NBPF9: variants seen among roughly 807,000 people sequenced by gnomAD.
NBPF9 encodes the protein NBPF member 9.
In NBPF9, 91 loss-of-function variants were observed where a neutral mutation model predicts 97.8. The observed-to-expected ratio is 0.93, with a 90% CI of 0.79 to 1.11. The LOEUF (loss-of-function observed/expected upper bound fraction) is 1.11. NBPF9 is among the 50% of genes least tolerant of loss of function. NBPF9 has a pLI of 0.00. For synonymous variants in NBPF9, 334 were observed against 359.5 expected (o/e 0.93, Z 0.80); for missense variants, 992 against 939.5 (o/e 1.06, Z -0.73).
In NBPF9 at chr1:149,062,346, T is replaced by C. The variant is rs1345689948; in HGVS notation, c.2079-81A>G. 1.3e-4 allele frequency: 81 copies of C among 616,104 alleles called. 7 individuals are homozygous for C. The African/African-American group carries it at 1.4e-3, about 11-fold the overall frequency. 38.2% of individuals were successfully genotyped at this position (616,104 alleles called of 1,614,324 possible). ...CCCCAGCTAGATTTCATGGCTAACA[T>C]AAGGAACTGTTTAAAAAGAAAAAGG... On this transcript the variant is annotated intron_variant, in intron 21 of 29. Coordinates refer to ENST00000584027, the Ensembl canonical transcript of NBPF9.
In NBPF9 at chr1:149,082,957, C is replaced by CTTTTTTTTTTTTT. The variant is rs1157992196; in HGVS notation, c.-194-540_-194-528dup. Among the ~76,000 whole-genome samples the CTTTTTTTTTTTTT allele has an allele frequency of 7.7e-3, 514 of 66,430 alleles. 3 individuals carry two copies. Among genetic ancestry groups the CTTTTTTTTTTTTT allele is most frequent in the Non-Finnish European group, 9.0e-3 (351 of 38,990 alleles). 43.6% of individuals were successfully genotyped at this position (66,430 alleles called of 152,430 possible). On this transcript the variant is annotated intron_variant, in intron 5 of 29. Coordinates refer to ENST00000584027, the Ensembl canonical transcript of NBPF9. ...ACCACGCCTGGCTAATTTTTCTTTT[C>CTTTTTTTTTTTTT]TTTTTTTTTTTTTTTTTTTTTTTTT...
intron 18 of NBPF9, chr1:149,064,687 C>A: frequency 1.6e-6 from 1 of 611,176 alleles, no homozygotes; most frequent in East Asian, 2.8e-5. Context: ...CAAAATTCCC[C>A]TGTGTTGGAA....
rs781848757 is a variant in NBPF9 at position 149,062,133 on chromosome 1, T to A, written c.2211A>T (p.Ser737=). The change falls in exon 22 of 30, where the codon TCA becomes TCT. Residue 737 remains serine (S), a synonymous_variant. Coordinates refer to ENST00000584027, the Ensembl canonical transcript of NBPF9. ...CCAAGCCAAGGTACTGTTCCTCCAATGAGTAAACAGCACTGCTGTAGGGCT... is the reference window on the plus strand; with the variant it reads ...CCAAGCCAAGGTACTGTTCCTCCAAAGAGTAAACAGCACTGCTGTAGGGCT... The A allele has an allele frequency of 5.5e-6, 6 of 1,083,864 alleles. No individual in the cohort carries two copies. The East Asian group carries it at 1.2e-4, about 22-fold the overall frequency. The allele number at this position is 1,083,864 out of a possible 1,614,324, so 67.1% of individuals were successfully genotyped here.
intron 18 of NBPF9, 21 bp downstream of exon 18, chr1:149,065,505 C>G: frequency 1.2e-6 from 2 of 1,600,822 alleles, no homozygotes; most frequent in Non-Finnish European, 1.7e-6. Context: ...AGCTTTATCA[C>G]CTTCACAATG....
rs1383642301 is a variant in NBPF9 at position 149,059,804 on chromosome 1, A to C, written c.2481T>G (p.Ile827Met). Residue 827 changes from isoleucine to methionine, a missense_variant, in exon 25 of 30, where the codon ATT becomes ATG. By Grantham distance (10) the Ile-to-Met change is conservative (BLOSUM62 1). Coordinates refer to ENST00000584027, the Ensembl canonical transcript of NBPF9. ...TTTTCTTCCCCTTCCCCTTCTTTTC[A>C]ATTTCTGCAATAAATTCAGACATGG... 24 of 523,564 alleles carry C rather than the reference A, an allele frequency of 4.6e-5. 5 individuals carry two copies. Among genetic ancestry groups the C allele is most frequent in the East Asian group, 3.3e-4 (12 of 36,736 alleles). The allele number at this position is 523,564 out of a possible 1,614,324, so 32.4% of individuals were successfully genotyped here. A position where few individuals can be genotyped will look rare whatever the true frequency, so the allele number is the denominator to read the frequency against.
rs879027705 is a variant in NBPF9 at position 149,062,393 on chromosome 1, T to C, written c.2079-128A>G. On this transcript the variant is annotated intron_variant, in intron 21 of 29. Coordinates refer to ENST00000584027, the Ensembl canonical transcript of NBPF9. Reference sequence around the variant, plus strand: ...AAGGACAGATCCATTAATGAGGTAATGAATTATTGCCTTTAGGTTGGGATA... The same window carrying C: ...AAGGACAGATCCATTAATGAGGTAACGAATTATTGCCTTTAGGTTGGGATA... The C allele has an allele frequency of 6.0e-6, 4 of 669,972 alleles. 1 individual carries two copies. The highest frequency in any genetic ancestry group is 1.1e-5 in the Non-Finnish European group (4 of 364,560). 41.5% of individuals were successfully genotyped at this position (669,972 alleles called of 1,614,324 possible).
intron 2 of NBPF9, 104 bp from the exon 3 acceptor site, chr1:149,101,483 A>G (rs2082140705): frequency 6.6e-6 from 1 of 152,214 alleles, no homozygotes; most frequent in Admixed American, 6.5e-5. Context: ...GGGAAATGCA[A>G]TACATATATA....
chr1:149,056,188 G>A (rs879948001), intron 29 of NBPF9, among the ~76,000 whole-genome samples: 2 of 150,824 alleles, frequency 1.3e-5, no homozygotes, highest in African/African-American at 4.9e-5. Context: ...GACACTCTGA[G>A]TTAGTGCCCT....
rs141539464 is a variant in NBPF9 at position 149,074,756 on chromosome 1, C to T, written c.989-886G>A. On this transcript the variant is annotated intron_variant, in intron 12 of 29. Coordinates refer to ENST00000584027, the Ensembl canonical transcript of NBPF9. ...AGACTCTGTGCCCCAGGAAGCAGGA[C>T]TTCACTCTCACCAAGCTACTCTCTG... Among the ~76,000 whole-genome samples the T allele has an allele frequency of 3.2e-3, 490 of 151,406 alleles. 10 individuals are homozygous for T. The highest frequency in any genetic ancestry group is 0.011 in the African/African-American group (459 of 41,416).
At chr1:149,067,250 T>A (rs1262854640) in intron 17 of NBPF9, among the ~76,000 whole-genome samples, 2 of 127,274 alleles carry the variant, frequency 1.6e-5, no homozygotes, top group Admixed American at 7.7e-5. Flanking sequence ...ATATTCAACA[T>A]TCTTTTTTTT....
chr1:149,079,708 G>A (rs75232438), intron 8 of NBPF9, among the ~76,000 whole-genome samples: 10 of 151,466 alleles, frequency 6.6e-5, no homozygotes, highest in African/African-American at 1.2e-4. Context: ...AGTCAGTCAG[G>A]AGGTGATTCT....
chr1:149,077,920 C>T (rs781843320), exon 10 of NBPF9: 2 of 1,510,134 alleles, frequency 1.3e-6, no homozygotes, highest in Admixed American at 3.4e-5. Flanking sequence ...TCATCCTCCT[C>T]AACTTGAACA....
At chr1:149,085,068 T>A (rs1474685352) in intron 5 of NBPF9, among the ~76,000 whole-genome samples, 1 of 152,018 alleles carries the variant, frequency 6.6e-6, no homozygotes, top group Non-Finnish European at 1.5e-5. Context: ...TGCCCACCTT[T>A]CCTTCACATA....
chr1:149,080,873 A>G (rs2080370984), intron 7 of NBPF9, among the ~76,000 whole-genome samples: 1 of 151,362 alleles, frequency 6.6e-6, no homozygotes, highest in African/African-American at 2.4e-5. Context: ...GCAGCAATTT[A>G]CAGAGGTAGG....
intron 5 of NBPF9, among the ~76,000 whole-genome samples, chr1:149,084,410 A>G (rs3105705): frequency 0.023 from 3,341 of 147,532 alleles, 144 homozygotes; most frequent in African/African-American, 0.078. Context: ...TACAATATAT[A>G]TAACATGTGT....
At chr1:149,071,664 T>A in exon 15 of NBPF9, 1 of 1,316,630 alleles carries the variant, frequency 7.6e-7, no homozygotes, top group South Asian at 1.2e-5. Flanking sequence ...TTCATCGTCA[T>A]CGTTGTCATT....
rs1397969369 is a variant in NBPF9, at chr1:149,064,376, T to A, written c.1853+55A>T. The A allele has an allele frequency of 1.5e-4, 122 of 790,386 alleles. 4 individuals are homozygous for A. In the Middle Eastern group the frequency reaches 3.9e-3, roughly 25 times the overall value. 49.0% of individuals were successfully genotyped at this position (790,386 alleles called of 1,614,324 possible). A position where few individuals can be genotyped will look rare whatever the true frequency, so the allele number is the denominator to read the frequency against. Reference sequence around the variant, plus strand: ...TCAGCATGTACTGTTTTCCCTGGACTTGGCATCTCCAGGTGTCAACATCAA... The same window carrying A: ...TCAGCATGTACTGTTTTCCCTGGACATGGCATCTCCAGGTGTCAACATCAA... On this transcript the variant is annotated intron_variant, in intron 19 of 29. Transcript: ENST00000584027.
At chr1:149,061,183 C>A in intron 23 of NBPF9, 149 bp downstream of exon 23, 1 of 334,840 alleles carries the variant, frequency 3.0e-6, no homozygotes, top group East Asian at 4.2e-5. Context: ...TAAATATCTA[C>A]TGCAATGAAA....
chr1:149,074,742 C>A (rs1399312072), intron 12 of NBPF9, among the ~76,000 whole-genome samples: 3 of 151,176 alleles, frequency 2.0e-5, no homozygotes, highest in Non-Finnish European at 4.4e-5. Flanking sequence ...GACTCTGTGC[C>A]CCAGGAAGCA....
Sources: gnomAD v4.1 joint callset for allele counts (sites outside exome capture counted in the v4.1 genomes callset) on GRCh38, gnomAD v4.1.1 for gene constraint, MANE v1.5 for transcripts, NCBI Gene and HGNC (gene_info 2026-07-23, HGNC 2026-07-21) for gene names.